Variants in PRKG1 observed in about 807,000 individuals in gnomAD.
The protein encoded by PRKG1 is protein kinase cGMP-dependent 1.
In PRKG1, 35 loss-of-function variants were observed where a neutral mutation model predicts 88.1. The ratio of observed to expected loss-of-function variants is 0.40; its 90% CI spans 0.30 to 0.53. The LOEUF (loss-of-function observed/expected upper bound fraction) is 0.53, where lower values mean the gene tolerates loss of function less well. PRKG1 is among the 20% of genes least tolerant of loss of function. The pLI, the probability that PRKG1 is intolerant of heterozygous loss-of-function variation, is 0.59. For missense variants in PRKG1, 540 were observed against 839.8 expected (o/e 0.64, Z 4.41); for synonymous variants, 303 against 292.5 (o/e 1.04, Z -0.37).
intron 3 of PRKG1, among the ~76,000 whole-genome samples, chr10:51,570,927 A>G (rs539684416): frequency 1.0e-3 from 159 of 152,124 alleles, no homozygotes; most frequent in Non-Finnish European, 1.8e-3. Flanking sequence ...CTGAAGCTTC[A>G]CAAAACTGCA....
At chr10:51,669,852 T>A (rs759158635) in intron 3 of PRKG1, among the ~76,000 whole-genome samples, 37 of 152,218 alleles carry the variant, frequency 2.4e-4, no homozygotes, top group Non-Finnish European at 1.0e-4. Flanking sequence ...GTATTCTTAA[T>A]TTCTGGTCAG....
chr10:51,566,872 CA>C (rs925035794), intron 3 of PRKG1, among the ~76,000 whole-genome samples: 23 of 146,682 alleles, frequency 1.6e-4, no homozygotes, highest in Non-Finnish European at 6.0e-5. Flanking sequence ...ATTGGGAAGA[CA>C]AAAAAATACA....
At chr10:51,702,699 A>AG (rs1678508944) in intron 3 of PRKG1, among the ~76,000 whole-genome samples, 1 of 149,320 alleles carries the variant, frequency 6.7e-6, no homozygotes, top group African/African-American at 2.6e-5. Context: ...GTTCAAAATG[A>AG]ATTTTTTTTT....
At chr10:52,224,192 C>T (rs1188225003) in intron 9 of PRKG1, among the ~76,000 whole-genome samples, 1 of 152,090 alleles carries the variant, frequency 6.6e-6, no homozygotes, top group Admixed American at 6.6e-5. Context: ...TTCCTCTTCT[C>T]CTCTGCCTTC....
At chr10:51,153,898 G>A (rs1846140636) in intron 2 of PRKG1, among the ~76,000 whole-genome samples, 1 of 151,940 alleles carries the variant, frequency 6.6e-6, no homozygotes, top group Non-Finnish European at 1.5e-5. Flanking sequence ...AAAAAACTGA[G>A]GCACGCACTG....
Position 51,662,304 on chromosome 10 carries a change from G to A in PRKG1, c.593-142281G>A, listed in dbSNP as rs1350137725. On this transcript the variant is annotated intron_variant, in intron 3 of 17. Transcript: ENST00000373980. ...AATTGTGTGGATAAGGGCATAAAAA[G>A]ACAGAAACTGGTCATTATGAATTAT... Among the ~76,000 whole-genome samples, 3 of 152,050 alleles carry A rather than the reference G, an allele frequency of 2.0e-5. No individual in the cohort carries two copies. In the East Asian group the frequency reaches 5.8e-4, roughly 29 times the overall value.
intron 7 of PRKG1, among the ~76,000 whole-genome samples, chr10:52,130,808 C>T (rs1291325250): frequency 2.6e-5 from 4 of 152,120 alleles, no homozygotes; most frequent in Non-Finnish European, 4.4e-5. Flanking sequence ...ACATTGCTTA[C>T]ATCTATGGAG....
chr10:51,404,877 T>C (rs1837862400), intron 2 of PRKG1, among the ~76,000 whole-genome samples: 2 of 152,160 alleles, frequency 1.3e-5, no homozygotes, highest in Non-Finnish European at 2.9e-5. Flanking sequence ...AAATAAATGG[T>C]GAGCAAGGGG....
At chr10:52,011,450 A>G (rs1163610089) in intron 5 of PRKG1, among the ~76,000 whole-genome samples, 1 of 152,170 alleles carries the variant, frequency 6.6e-6, no homozygotes, top group East Asian at 1.9e-4. Flanking sequence ...CAATGGCAAA[A>G]TAACTTCCTT....
intron 4 of PRKG1, among the ~76,000 whole-genome samples, chr10:51,855,613 C>T (rs1051811242): frequency 6.6e-6 from 1 of 152,148 alleles, no homozygotes; most frequent in African/African-American, 2.4e-5. Context: ...AAATTATTTT[C>T]TCCTATTTAA....
At chr10:51,384,115 G>A (rs754863310) in intron 2 of PRKG1, among the ~76,000 whole-genome samples, 5 of 151,836 alleles carry the variant, frequency 3.3e-5, no homozygotes, top group East Asian at 1.9e-4. Context: ...ATTCTTTTTC[G>A]TTTTATCATC....
chr10:51,199,017 A>G (rs1466539115), intron 2 of PRKG1, among the ~76,000 whole-genome samples: 1 of 152,220 alleles, frequency 6.6e-6, no homozygotes, highest in Non-Finnish European at 1.5e-5. Flanking sequence ...GTGATACTGA[A>G]AAATCAGAAG....
At chr10:51,846,938 G>A (rs1055681763) in intron 4 of PRKG1, among the ~76,000 whole-genome samples, 1 of 152,088 alleles carries the variant, frequency 6.6e-6, no homozygotes, top group Non-Finnish European at 1.5e-5. Flanking sequence ...TACATCAAGT[G>A]CTGCTAAAAT....
chr10:52,219,983 TG>T lies in PRKG1; in HGVS notation c.1077-31586del, dbSNP rs149316587. Among the ~76,000 whole-genome samples, 4,903 of 152,296 alleles carry T rather than the reference TG, an allele frequency of 0.032. 485 individuals carry two copies. The East Asian group carries it at 0.36, about 11-fold the overall frequency. On this transcript the variant is annotated intron_variant, in intron 9 of 17. Transcript: ENST00000373980. ...TTTCTGTGAACATCATATTTGCCTC[TG>T]TAAATAAATAAGCAAAACACACTCC...
intron 3 of PRKG1, among the ~76,000 whole-genome samples, chr10:51,738,416 G>A (rs1433827529): frequency 6.6e-6 from 1 of 152,178 alleles, no homozygotes; most frequent in Non-Finnish European, 1.5e-5. Flanking sequence ...TGCAAGTTAT[G>A]TAATTGTAAG....
intron 1 of PRKG1, among the ~76,000 whole-genome samples, chr10:51,057,075 A>T (rs1391933522): frequency 6.6e-6 from 1 of 152,262 alleles, no homozygotes; most frequent in Non-Finnish European, 1.5e-5. Context: ...TTATTGAAAT[A>T]TCTAAGATAT....
chr10:51,719,430 T>A (rs367943048), intron 3 of PRKG1, among the ~76,000 whole-genome samples: 66 of 152,086 alleles, frequency 4.3e-4, no homozygotes, highest in African/African-American at 1.6e-3. Context: ...TTCATAATCA[T>A]GAGAAAACAA....
At chr10:51,209,353 G>T (rs1838152463) in intron 2 of PRKG1, among the ~76,000 whole-genome samples, 1 of 152,132 alleles carries the variant, frequency 6.6e-6, no homozygotes, top group Non-Finnish European at 1.5e-5. Flanking sequence ...TTATGGGACT[G>T]CCCAGGCTTG....
At chr10:51,665,917 ATGTGTG>A (rs368796918) in intron 3 of PRKG1, among the ~76,000 whole-genome samples, 1 of 150,268 alleles carries the variant, frequency 6.7e-6, no homozygotes, top group South Asian at 2.1e-4. Flanking sequence ...ATTTATGAAT[ATGTGTG>A]TGTGTGTGTG....
Sources: allele counts gnomAD v4.1 joint callset (sites outside exome capture counted in the v4.1 genomes callset), GRCh38; gene constraint gnomAD v4.1.1; transcripts MANE v1.5; gene names NCBI Gene and HGNC (gene_info 2026-07-23, HGNC 2026-07-21).